PNKD: variants seen among roughly 807,000 people sequenced by gnomAD.
PNKD encodes the protein probable thioesterase PNKD.
Under a neutral mutation model 45.3 loss-of-function variants are expected in PNKD, and 36 were observed. The ratio of observed to expected loss-of-function variants is 0.80; its 90% confidence interval spans 0.61 to 1.05. The LOEUF (loss-of-function observed/expected upper bound fraction) is 1.05, where lower values mean the gene tolerates loss of function less well. Among genes scored for constraint, PNKD ranks in the 50% least tolerant of loss-of-function variants. PNKD has a pLI of 0.00. For synonymous variants in PNKD, 197 were observed against 210.1 expected, an observed-to-expected ratio of 0.94 and a Z score of 0.54; for missense variants, 511 against 506.6, an observed-to-expected ratio of 1.01 and a Z score of -0.08.
chr2:218,339,968 C>A, intron 3 of PNKD, 61 bp from the exon 4 acceptor site: 1 of 1,436,292 alleles, frequency 7.0e-7, no homozygotes, highest in Non-Finnish European at 9.8e-7. Flanking sequence ...CTCCCCTTCA[C>A]ATACCCCAGC....
intron 2 of PNKD, among the ~76,000 whole-genome samples, chr2:218,339,020 C>T (rs1021038029): frequency 6.6e-6 from 1 of 151,570 alleles, no homozygotes; most frequent in Non-Finnish European, 1.5e-5. Flanking sequence ...TGGTCTCGAA[C>T]TCCTGGGCTC....
chr2:218,318,940 TTTTTTTTTTC>T (rs1255471773), intron 2 of PNKD, among the ~76,000 whole-genome samples: 2 of 131,776 alleles, frequency 1.5e-5, no homozygotes, highest in East Asian at 4.1e-4. Context: ...AATCTTTTCT[TTTTTTTTTTC>T]TTTTTTTTTT....
chr2:218,327,625 C>T (rs893356025), intron 2 of PNKD, among the ~76,000 whole-genome samples: 7 of 152,170 alleles, frequency 4.6e-5, no homozygotes, highest in Non-Finnish European at 7.4e-5. Flanking sequence ...GCCACATTGC[C>T]GACAGTATGG....
At chr2:218,291,344 C>G (rs956094332) in intron 2 of PNKD, among the ~76,000 whole-genome samples, 2 of 152,150 alleles carry the variant, frequency 1.3e-5, no homozygotes, top group Non-Finnish European at 2.9e-5. Flanking sequence ...AAGTATGGCT[C>G]CCCCTTTGCG....
At chr2:218,332,782 C>G (rs1221568792) in intron 2 of PNKD, among the ~76,000 whole-genome samples, 1 of 152,078 alleles carries the variant, frequency 6.6e-6, no homozygotes, top group Admixed American at 6.6e-5. Context: ...CCAGTGAGCT[C>G]TCAGAAAGGG....
chr2:218,318,674 A>G (rs911754370), intron 2 of PNKD, among the ~76,000 whole-genome samples: 1 of 152,228 alleles, frequency 6.6e-6, no homozygotes, highest in African/African-American at 2.4e-5. Context: ...GCCAGGTATT[A>G]TTCACACCAC....
intron 2 of PNKD, chr2:218,278,393 C>CTCCTCCTCATTTCTTGTAAGTT (rs1233110905): frequency 1.9e-6 from 2 of 1,028,942 alleles, no homozygotes; most frequent in Admixed American, 1.8e-5. Context: ...CATCGTCATC[C>CTCCTCCTCATTTCTTGTAAGTT]TCCTCCTCAT....
intron 2 of PNKD, chr2:218,323,226 C>G: frequency 2.1e-6 from 3 of 1,443,244 alleles, no homozygotes; most frequent in Non-Finnish European, 2.7e-6. Context: ...CGTTGCCTAG[C>G]AACGCCGAGC....
intron 1 of PNKD, 78 bp from the exon 2 acceptor site, chr2:218,271,303 A>C: frequency 1.6e-6 from 2 of 1,218,530 alleles, no homozygotes; most frequent in Non-Finnish European, 2.4e-6. Flanking sequence ...CGCTCCTCCC[A>C]AGCCCTTACT....
Position 218,331,407 on chromosome 2 carries a change from C to CAA in PNKD, c.237-8366_237-8365dup, listed in dbSNP as rs34373293. On this transcript the variant is annotated intron_variant, in intron 2 of 9. Transcript: ENST00000273077. ...GGGCAACAAGAGCGAAGCTCTGTCT[C>CAA]AAAAAAAAAAACCCAAAACAAATAT... 1.9e-4 allele frequency among the ~76,000 whole-genome samples: 27 copies of CAA among 142,984 alleles called. 1 individual carries two copies. The highest frequency in any genetic ancestry group is 4.9e-4 in the Admixed American group (7 of 14,350). 93.8% of individuals were successfully genotyped at this position (142,984 alleles called of 152,430 possible). A position where few individuals can be genotyped will look rare whatever the true frequency, so the allele number is the denominator to read the frequency against.
intron 2 of PNKD, among the ~76,000 whole-genome samples, chr2:218,282,365 C>T (rs1234898918): frequency 1.3e-5 from 2 of 152,204 alleles, no homozygotes; most frequent in Non-Finnish European, 1.5e-5. Context: ...GCTCCTGTCC[C>T]TCCTGCCTTT....
intron 5 of PNKD, 63 bp from the exon 6 acceptor site, chr2:218,341,471 A>G (rs1694670817): frequency 9.0e-7 from 1 of 1,110,182 alleles, no homozygotes; most frequent in Non-Finnish European, 1.3e-6. Flanking sequence ...ATGCTGTGGT[A>G]AAGAAGGGGG....
At chr2:218,295,539 A>G (rs552366431) in intron 2 of PNKD, among the ~76,000 whole-genome samples, 20 of 152,098 alleles carry the variant, frequency 1.3e-4, no homozygotes, top group Admixed American at 3.3e-4. Flanking sequence ...GAACCAGCCT[A>G]TTCGGAGGAG....
rs1396606969 is a variant in PNKD, at chr2:218,272,501, A to T, written c.236+952A>T. 4.2e-6 allele frequency: 6 copies of T among 1,439,006 alleles called. No individual in the cohort carries two copies. The Admixed American group carries it at 8.4e-5, about 20-fold the overall frequency. 89.1% of individuals were successfully genotyped at this position (1,439,006 alleles called of 1,614,324 possible). ...TCATGCAACTGATGAAGCTAGAATG[A>T]CTCCCCCCAGCTCCTCTGGCTCAGG... On this transcript the variant is annotated intron_variant, in intron 2 of 9. Transcript: ENST00000273077.
intron 2 of PNKD, among the ~76,000 whole-genome samples, chr2:218,329,096 C>A (rs932755855): frequency 2.0e-5 from 3 of 151,910 alleles, no homozygotes; most frequent in Admixed American, 1.3e-4. Context: ...GTAATCCCAG[C>A]TACTCAGGAG....
intron 2 of PNKD, among the ~76,000 whole-genome samples, chr2:218,310,529 C>A (rs920181765): frequency 6.7e-6 from 1 of 149,372 alleles, no homozygotes; most frequent in Non-Finnish European, 1.5e-5. Flanking sequence ...GCCTACATAA[C>A]AATGTTTTAA....
intron 2 of PNKD, among the ~76,000 whole-genome samples, chr2:218,291,273 A>T (rs1180024306): frequency 6.6e-6 from 1 of 152,192 alleles, no homozygotes. Context: ...CATTTAAGCT[A>T]TAAACTGGTT....
In PNKD at chr2:218,284,527, C is replaced by T. The variant is rs569533340; in HGVS notation, c.236+12978C>T. On this transcript the variant is annotated intron_variant, in intron 2 of 9. Transcript: ENST00000273077. ...GGGACTCCAAGGTTCTGGTGCAGCTCAGCGGGTGCTGACTCAGAGCTTCAC... is the reference window on the plus strand; with the variant it reads ...GGGACTCCAAGGTTCTGGTGCAGCTTAGCGGGTGCTGACTCAGAGCTTCAC... Among the ~76,000 whole-genome samples, 4 of 152,376 alleles carry T rather than the reference C, an allele frequency of 2.6e-5. No homozygotes were observed. In the East Asian group the frequency reaches 7.7e-4, roughly 29 times the overall value.
rs745434057 is a variant in PNKD at position 218,282,077 on chromosome 2, G to A, written c.236+10528G>A. Reference sequence around the variant, plus strand: ...AGATGGCTGCCCATAGCCCCCAGGGGGCGGAGGGCCTGGGTACAGGGGGTT... The same window carrying A: ...AGATGGCTGCCCATAGCCCCCAGGGAGCGGAGGGCCTGGGTACAGGGGGTT... On this transcript the variant is annotated intron_variant, in intron 2 of 9. Transcript: ENST00000273077. 23 of 1,595,566 alleles carry A rather than the reference G, an allele frequency of 1.4e-5. No individual in the cohort carries two copies. The East Asian group carries it at 4.7e-4, about 33-fold the overall frequency.
Sources: gnomAD v4.1 joint callset for allele counts (sites outside exome capture counted in the v4.1 genomes callset) on GRCh38, gnomAD v4.1.1 for gene constraint, MANE v1.5 for transcripts, NCBI Gene and HGNC (gene_info 2026-07-23, HGNC 2026-07-21) for gene names.